The following SIRT7 variants were observed in gnomAD, a reference collection of about 807,000 sequenced individuals.
SIRT7 encodes sirtuin 7, also known as NAD-dependent protein deacetylase sirtuin-7.
SIRT7 carries 32 observed loss-of-function variants against 42.8 expected under a neutral mutation model. That is an observed-to-expected ratio of 0.75 (90% CI 0.56 to 1.00). The LOEUF (loss-of-function observed/expected upper bound fraction) is 1.00, where lower values mean the gene tolerates loss of function less well. Among genes scored for constraint, SIRT7 ranks in the 50% least tolerant of loss-of-function variants. The probability of loss-of-function intolerance (pLI) is 0.00; values close to 1 mark genes in which losing one functional copy is unlikely to be tolerated. For synonymous variants in SIRT7, 297 were observed against 245.2 expected (o/e 1.21, Z -1.97); for missense variants, 553 against 572.2 (o/e 0.97, Z 0.34).
rs1043950516 is a variant in SIRT7 at position 81,915,151 on chromosome 17, G to C, written c.480+289C>G. On this transcript the variant is annotated intron_variant, in intron 5 of 9. Transcript: ENST00000328666. ...TCCTATAAGCCTCCCCTGTGACTAGGATGGCTTCTGAGGTCCACAGAAAAA... is the reference window on the plus strand; with the variant it reads ...TCCTATAAGCCTCCCCTGTGACTAGCATGGCTTCTGAGGTCCACAGAAAAA... 5.5e-6 allele frequency: 3 copies of C among 541,856 alleles called. No individual in the cohort carries two copies. In the African/African-American group the frequency reaches 5.7e-5, roughly 10 times the overall value. 33.6% of individuals were successfully genotyped at this position (541,856 alleles called of 1,614,324 possible).
rs1488980576 is a variant in SIRT7 at position 81,912,393 on chromosome 17, A to T, written c.*23T>A. On this transcript the variant is annotated 3_prime_UTR_variant, in exon 10 of 10. Transcript: ENST00000328666. ...GACACTGGCCATCTGCAAAGTGCCA[A>T]CTGTTCTTCATCGAGCACGTGATTA... is the stretch of plus-strand genomic sequence containing the variant. The T allele has an allele frequency of 6.2e-7, 1 of 1,613,908 alleles. No homozygotes were observed. The highest frequency in any genetic ancestry group is 1.3e-5 in the African/African-American group (1 of 74,952).
chr17:81,918,168 A>G lies in SIRT7; in HGVS notation c.-37T>C. The G allele has an allele frequency of 1.3e-6, 2 of 1,508,828 alleles. No homozygotes were observed. Among genetic ancestry groups the G allele is most frequent in the Non-Finnish European group, 1.8e-6 (2 of 1,137,398 alleles). 93.5% of individuals were successfully genotyped at this position (1,508,828 alleles called of 1,614,324 possible). ...AGACCTGCTCTTCCGCTTCCGCCTC[A>G]CACGGCAGGCCGCGCTCAGGGCGCA... is the stretch of plus-strand genomic sequence containing the variant. On this transcript the variant is annotated 5_prime_UTR_variant, in exon 1 of 10. Coordinates refer to ENST00000328666, the MANE Select transcript of SIRT7 (RefSeq NM_016538.3).
At chr17:81,915,859 G>A (rs112051366) in intron 3 of SIRT7, 178 bp from the exon 4 acceptor site, 7 of 673,688 alleles carry the variant, frequency 1.0e-5, no homozygotes, top group African/African-American at 7.1e-5. Flanking sequence ...ACCCCAATTC[G>A]GCTCCTCCCT....
At chr17:81,917,493 G>C (rs757047349) in intron 3 of SIRT7, 122 bp downstream of exon 3, 33 of 830,404 alleles carry the variant, frequency 4.0e-5, no homozygotes, top group Non-Finnish European at 5.7e-5. Flanking sequence ...TTTACCTTAG[G>C]TAAGTTTTGG....
chr17:81,912,387 G>C lies in SIRT7; in HGVS notation c.*29C>G, dbSNP rs1567905076. The C allele has an allele frequency of 6.2e-7, 1 of 1,613,922 alleles. No individual in the cohort carries two copies. The highest frequency in any genetic ancestry group is 8.5e-7 in the Non-Finnish European group (1 of 1,179,914). ...CACCGTGACACTGGCCATCTGCAAA[G>C]TGCCAACTGTTCTTCATCGAGCACG... On this transcript the variant is annotated 3_prime_UTR_variant, in exon 10 of 10. Coordinates refer to ENST00000328666, the MANE Select transcript of SIRT7 (RefSeq NM_016538.3).
chr17:81,914,946 G>T, intron 5 of SIRT7: 2 of 563,780 alleles, frequency 3.5e-6, no homozygotes, highest in Non-Finnish European at 3.2e-6. Context: ...GAGTGGCTGG[G>T]AGGGCAAGAG....
chr17:81,915,275 G>C, intron 5 of SIRT7, 165 bp downstream of exon 5: 1 of 701,576 alleles, frequency 1.4e-6, no homozygotes, highest in South Asian at 1.7e-5. Flanking sequence ...TTCTGTCCTG[G>C]AGAGTCAAGC....
chr17:81,914,465 G>A lies in SIRT7; in HGVS notation c.645C>T (p.Ala215=), dbSNP rs1222119831. The A allele has an allele frequency of 1.2e-6, 2 of 1,613,126 alleles. No individual in the cohort carries two copies. Among genetic ancestry groups the A allele is most frequent in the Non-Finnish European group, 1.7e-6 (2 of 1,180,028 alleles). The change falls in exon 7 of 10, where the codon GCC becomes GCT. Residue 215 remains alanine (A), a synonymous_variant. Transcript: ENST00000328666. ...VRVFDVTERT[A]LHRHQTGRTC... ...TCCGGCCTGTCTGGTGTCTGTGGAG[G>A]GCAGTGCGCTCCGTCACATCGAACA... is the stretch of plus-strand genomic sequence containing the variant.
rs758564713 is a variant in SIRT7 at position 81,914,486 on chromosome 17, G to A, written c.624C>T (p.Phe208=). 14 of 1,613,128 alleles carry A rather than the reference G, an allele frequency of 8.7e-6. No homozygotes were observed. The highest frequency in any genetic ancestry group is 4.0e-5 in the African/African-American group (3 of 75,036). ...CVPNREYVRV[F]DVTERTALHR... ...GGAGGGCAGTGCGCTCCGTCACATC[G>A]AACACCCGCACGTACTCCCTGTTGG... Residue 208 remains phenylalanine, a synonymous_variant, in exon 7 of 10, where the codon TTC becomes TTT. Coordinates refer to ENST00000328666, the MANE Select transcript of SIRT7 (RefSeq NM_016538.3).
At chr17:81,914,918 C>T in intron 5 of SIRT7, 1 of 580,672 alleles carries the variant, frequency 1.7e-6, no homozygotes, top group East Asian at 2.9e-5. Flanking sequence ...TGTCCTTCCT[C>T]CAGCCCTGAT....
chr17:81,912,907 A>G (rs933980480), intron 9 of SIRT7: 2 of 486,642 alleles, frequency 4.1e-6, no homozygotes, highest in Non-Finnish European at 3.8e-6. Flanking sequence ...AGGGTGGGGC[A>G]GCAGTGGCCC....
chr17:81,918,095 C>G lies in SIRT7; in HGVS notation c.37G>C (p.Ala13Pro). 1 of 1,551,988 alleles carries G rather than the reference C, an allele frequency of 6.4e-7. No homozygotes were observed. Among genetic ancestry groups the G allele is most frequent in the Non-Finnish European group, 8.6e-7 (1 of 1,160,238 alleles). Residue 13 changes from alanine (A) to proline (P), a missense_variant, in exon 1 of 10, where the codon GCG becomes CCG. Physicochemically the swap from Ala to Pro is conservative, Grantham distance 27 (BLOSUM62 -1). Transcript: ENST00000328666. ...AGGLSRSERK[A>P]AERVRRLREE... The stretch of plus-strand genomic sequence containing the variant: ...CGCAACCTCCGGACCCGCTCCGCCG[C>G]TTTGCGCTCGGAGCGGCTCAGACCC...
chr17:81,915,047 T>G (rs1024114340), intron 5 of SIRT7: 6 of 485,686 alleles, frequency 1.2e-5, no homozygotes, highest in African/African-American at 1.2e-4. Context: ...TCATGACATT[T>G]CAGGTCCCTG....
Position 81,917,899 on chromosome 17 carries a change from G to A in SIRT7, c.162C>T (p.Ser54=). 2.1e-6 allele frequency: 3 copies of A among 1,426,442 alleles called. No homozygotes were observed. The highest frequency in any genetic ancestry group is 9.2e-7 in the Non-Finnish European group (1 of 1,091,750). The allele number at this position is 1,426,442 out of a possible 1,614,324, so 88.4% of individuals were successfully genotyped here. ...SAEEGRLLAE[S]ADLVTELQGR... is the part of the protein sequence containing the mutation. ...CCTGCAGCTCCGTTACCAGGTCCGC[G>A]CTCTCGGCCAGCAGCCGGCCCTCCT... Residue 54 remains serine (S), a synonymous_variant, in exon 2 of 10, where the codon AGC becomes AGT. Transcript: ENST00000328666.
At chr17:81,917,556 T>C (rs2040828283) in intron 3 of SIRT7, 59 bp downstream of exon 3, 4 of 1,419,860 alleles carry the variant, frequency 2.8e-6, no homozygotes, top group African/African-American at 1.5e-5. Flanking sequence ...AAGGCGAGTT[T>C]TTCGCGATTA....
At chr17:81,914,745 T>C in intron 5 of SIRT7, 43 bp from the exon 6 acceptor site, 1 of 1,532,866 alleles carries the variant, frequency 6.5e-7, no homozygotes, top group Middle Eastern at 1.7e-4. Flanking sequence ...TGGCTGCCAG[T>C]GGTGGTGGGG....
chr17:81,915,665 T>A lies in SIRT7; in HGVS notation c.353A>T (p.Asp118Val), dbSNP rs1469435499. ...CCACACTCCATTAGGGCCCCGGTAG[T>A]CTGGGATAGACGCTGCCTGCATGTC... ...AGISTAASIP[D>V]YRGPNGVWTL... The change falls in exon 4 of 10, where the codon GAC becomes GTC. Residue 118 changes from aspartate (D) to valine (V), a missense_variant. Asp to Val is a radical substitution (Grantham distance 152). Transcript: ENST00000328666. The A allele has an allele frequency of 6.2e-7, 1 of 1,613,886 alleles. No homozygotes were observed. Among genetic ancestry groups the A allele is most frequent in the East Asian group, 2.2e-5 (1 of 44,886 alleles).
In SIRT7 at chr17:81,914,039, C is replaced by T. The variant is rs200243408; in HGVS notation, c.897+48G>A. 8,030 of 1,604,546 alleles carry T rather than the reference C, an allele frequency of 5.0e-3. 28 individuals are homozygous for T. The highest frequency in any genetic ancestry group is 6.3e-3 in the Non-Finnish European group (7,385 of 1,172,796). The stretch of plus-strand genomic sequence containing the variant: ...TGGGTGTGGGGTGTCTCTGGCTGTG[C>T]GTTCTAAGACCCAGATCTAAGGACG... On this transcript the variant is annotated intron_variant, in intron 8 of 9. Transcript: ENST00000328666.
At position 81,918,018 on chromosome 17, in the gene SIRT7, CG is replaced by C; in HGVS notation, c.93+20del. ...CGGCGCGGGCCGGGCATGGCCGGGC[CG>C]GGGAGCGGCGGCGGCGTACCTGGCG... is the stretch of plus-strand genomic sequence containing the variant. On this transcript the variant is annotated intron_variant, in intron 1 of 9. Coordinates refer to ENST00000328666, the MANE Select transcript of SIRT7 (RefSeq NM_016538.3). 2 of 1,421,170 alleles carry C rather than the reference CG, an allele frequency of 1.4e-6. No homozygotes were observed. The highest frequency in any genetic ancestry group is 3.0e-5 in the East Asian group (1 of 33,506). The allele number at this position is 1,421,170 out of a possible 1,614,324, so 88.0% of individuals were successfully genotyped here.
Sources: gnomAD v4.1 joint callset for allele counts on GRCh38, gnomAD v4.1.1 for gene constraint, MANE v1.5 for transcripts, NCBI Gene and HGNC (gene_info 2026-07-23, HGNC 2026-07-21) for gene names.